Variants in GSDMC observed in about 807,000 individuals in gnomAD.
The protein encoded by GSDMC is gasdermin C, also known as gasdermin-C.
In GSDMC, 59 loss-of-function variants were observed where a neutral mutation model predicts 58.0. That is an observed-to-expected ratio of 1.02 (90% CI 0.82 to 1.26). The LOEUF (loss-of-function observed/expected upper bound fraction) is 1.26, where lower values mean the gene tolerates loss of function less well. GSDMC is among the 50% of genes most tolerant of loss of function. The pLI is 0.00. For missense variants in GSDMC, 659 were observed against 598.5 expected, an observed-to-expected ratio of 1.10 and a Z score of -1.06; for synonymous variants, 241 against 220.2, an observed-to-expected ratio of 1.09 and a Z score of -0.83.
At chr8:129,714,005 C>T in the GSDMC span, among the ~76,000 whole-genome samples, 1 of 152,232 alleles carries the variant, frequency 6.6e-6, no homozygotes, top group South Asian at 2.1e-4. Flanking sequence ...GAGATGATTC[C>T]AAACATCACA....
At chr8:129,710,343 G>T in the GSDMC span, among the ~76,000 whole-genome samples, 1 of 152,160 alleles carries the variant, frequency 6.6e-6, no homozygotes, top group African/African-American at 2.4e-5. Flanking sequence ...AAGTAGACCT[G>T]CCGGCATAAA....
chr8:129,766,595 T>C lies in GSDMC; in HGVS notation c.405-802A>G, dbSNP rs367619734. Reference sequence around the variant, plus strand: ...GTGACATCTACTTATCTTCCAAGCATCATGTTTTATCTCCTTTATCTTGGT... The same window carrying C: ...GTGACATCTACTTATCTTCCAAGCACCATGTTTTATCTCCTTTATCTTGGT... On this transcript the variant is annotated intron_variant, in intron 3 of 13. Coordinates refer to ENST00000276708, the MANE Select transcript of GSDMC (RefSeq NM_031415.3). Among the ~76,000 whole-genome samples, 6 of 152,288 alleles carry C rather than the reference T, an allele frequency of 3.9e-5. No individual in the cohort carries two copies. The East Asian group carries it at 5.8e-4, about 15-fold the overall frequency.
At position 129,752,700 on chromosome 8, in the gene GSDMC, G is replaced by T; in HGVS notation, c.842C>A (p.Pro281Gln). The part of the protein sequence containing the change: ...NASSNDMKLK[P>Q]ELFLTQQFLS... Reference sequence around the variant, plus strand: ...AATAAAGTGAGCAATCACAGTACCTGGTTTTAACTTCATATCATTGGATGA... The same window carrying T: ...AATAAAGTGAGCAATCACAGTACCTTGTTTTAACTTCATATCATTGGATGA... Residue 281 changes from proline (P) to glutamine (Q), a missense_variant and splice_region_variant, in exon 7 of 14, where the codon CCA (proline) becomes CAA (glutamine). Pro to Gln is a moderately conservative substitution (Grantham distance 76). Transcript: ENST00000276708. 5 of 1,614,118 alleles carry T rather than the reference G, an allele frequency of 3.1e-6. No individual in the cohort carries two copies. Among genetic ancestry groups the T allele is most frequent in the Non-Finnish European group, 4.2e-6 (5 of 1,179,994 alleles).
chr8:129,737,734 T>A, the GSDMC span, among the ~76,000 whole-genome samples: 3 of 152,164 alleles, frequency 2.0e-5, no homozygotes, highest in Admixed American at 6.5e-5. Context: ...GGCAACACCA[T>A]TCAGGACATA....
At chr8:129,707,581 A>G in the GSDMC span, among the ~76,000 whole-genome samples, 1 of 152,222 alleles carries the variant, frequency 6.6e-6, no homozygotes, top group Non-Finnish European at 1.5e-5. Context: ...ATAATTCAAA[A>G]TTGGTAGTCT....
At chr8:129,757,553 G>T (rs74977350) in intron 6 of GSDMC, among the ~76,000 whole-genome samples, 1 of 151,592 alleles carries the variant, frequency 6.6e-6, no homozygotes, top group African/African-American at 2.4e-5. Context: ...CATTCTATGA[G>T]GCCAGTATTA....
In GSDMC at chr8:129,786,169, C is replaced by G. The variant is rs1455644653; in HGVS notation, c.-163G>C. The G allele has an allele frequency of 6.6e-6, 1 of 151,942 alleles. No homozygotes were observed. The highest frequency in any genetic ancestry group is 6.6e-5 in the Admixed American group (1 of 15,242). The allele number at this position is 151,942 out of a possible 1,614,324, so 9.4% of individuals were successfully genotyped here. A position where few individuals can be genotyped will look rare whatever the true frequency, so the allele number is the denominator to read the frequency against. On this transcript the variant is annotated 5_prime_UTR_variant, in exon 1 of 14. Coordinates refer to ENST00000276708, the MANE Select transcript of GSDMC (RefSeq NM_031415.3). ...CCAAGATGGTGAAACCCTGTCTCTA[C>G]TGAAAATACAAAAATTAGCCAGGAA...
chr8:129,714,399 C>T, the GSDMC span, among the ~76,000 whole-genome samples: 1 of 152,234 alleles, frequency 6.6e-6, no homozygotes, highest in African/African-American at 2.4e-5. Flanking sequence ...ATTCATTCCT[C>T]CGTCCATCCA....
chr8:129,749,821 T>C (rs574849624), intron 12 of GSDMC, among the ~76,000 whole-genome samples, 169 bp downstream of exon 12: 156 of 152,316 alleles, frequency 1.0e-3, no homozygotes, highest in Non-Finnish European at 1.6e-3. Flanking sequence ...TTCTGTGTCA[T>C]ACGGCAAGTT....
the GSDMC span, chr8:129,729,983 G>T: frequency 6.7e-7 from 1 of 1,502,832 alleles, no homozygotes; most frequent in East Asian, 2.3e-5. Flanking sequence ...ACCATGGACA[G>T]TGCTGTCCGG....
the GSDMC span, among the ~76,000 whole-genome samples, chr8:129,736,430 G>C: frequency 6.6e-6 from 1 of 152,168 alleles, no homozygotes; most frequent in African/African-American, 2.4e-5. Context: ...ACATCAAAAA[G>C]CTATCCACCA....
the GSDMC span, among the ~76,000 whole-genome samples, chr8:129,739,085 A>G: frequency 2.6e-5 from 4 of 152,206 alleles, no homozygotes; most frequent in African/African-American, 4.8e-5. Context: ...GGTTTGTTAC[A>G]TAGGTATACA....
At chr8:129,767,438 C>A (rs115842240) in intron 3 of GSDMC, among the ~76,000 whole-genome samples, 18 of 152,214 alleles carry the variant, frequency 1.2e-4, no homozygotes, top group African/African-American at 4.3e-4. Flanking sequence ...GGTGACTCTG[C>A]CTAACTGTGG....
intron 3 of GSDMC, among the ~76,000 whole-genome samples, chr8:129,775,657 A>T (rs183229586): frequency 2.6e-5 from 4 of 152,326 alleles, no homozygotes; most frequent in Non-Finnish European, 5.9e-5. Flanking sequence ...ATCTCAATAC[A>T]GCTGAAAAAA....
intron 2 of GSDMC, among the ~76,000 whole-genome samples, chr8:129,777,054 G>A (rs2034257005): frequency 6.6e-6 from 1 of 152,064 alleles, no homozygotes; most frequent in Admixed American, 6.6e-5. Flanking sequence ...ATAGGCATGA[G>A]CCACAGTGCC....
chr8:129,779,045 G>A lies in GSDMC; in HGVS notation c.-4-1454C>T, dbSNP rs1586620515. On this transcript the variant is annotated intron_variant, in intron 1 of 13. Coordinates refer to ENST00000276708, the MANE Select transcript of GSDMC (RefSeq NM_031415.3). ...ATTAGTTCAACCACTGTGAAAAACA[G>A]TTTGGTGATTCCTCAAAGTCCTAAA... Among the ~76,000 whole-genome samples the A allele has an allele frequency of 2.0e-5, 3 of 152,180 alleles. No homozygotes were observed. In the East Asian group the frequency reaches 5.8e-4, roughly 29 times the overall value.
intron 3 of GSDMC, among the ~76,000 whole-genome samples, chr8:129,769,538 T>C (rs560487326): frequency 6.6e-4 from 101 of 152,204 alleles, no homozygotes; most frequent in African/African-American, 2.3e-3. Flanking sequence ...TCATGGAAGA[T>C]GGTGAAAAGC....
the GSDMC span, among the ~76,000 whole-genome samples, chr8:129,716,710 T>A: frequency 6.6e-6 from 1 of 152,044 alleles, no homozygotes; most frequent in Non-Finnish European, 1.5e-5. Flanking sequence ...TTCAAGGGAG[T>A]GCTTCCAGGT....
At chr8:129,733,128 G>C in the GSDMC span, among the ~76,000 whole-genome samples, 1 of 152,252 alleles carries the variant, frequency 6.6e-6, no homozygotes, top group Non-Finnish European at 1.5e-5. Flanking sequence ...CGCCATTGCT[G>C]AGGCTTGAGT....
Sources: allele counts gnomAD v4.1 joint callset (sites outside exome capture counted in the v4.1 genomes callset), GRCh38; gene constraint gnomAD v4.1.1; transcripts MANE v1.5; gene names NCBI Gene and HGNC (gene_info 2026-07-23, HGNC 2026-07-21).